Variants in CA4 observed in about 807,000 individuals in gnomAD.
The protein encoded by CA4 is CA-IV.
In CA4, 24 loss-of-function variants were observed where a neutral mutation model predicts 34.5. That is an observed-to-expected ratio of 0.70 (90% confidence interval 0.50 to 0.98). CA4 has a LOEUF of 0.98. CA4 is among the 50% of genes least tolerant of loss of function. The pLI is 0.00. For synonymous variants in CA4, 178 were observed against 170.6 expected (o/e 1.04, Z -0.34); for missense variants, 394 against 396.7 (o/e 0.99, Z 0.06).
chr17:60,158,461 G>A lies in CA4; in HGVS notation c.744+15G>A, dbSNP rs2145279310. 2 of 1,612,742 alleles carry A rather than the reference G, an allele frequency of 1.2e-6. No individual in the cohort carries two copies. Among genetic ancestry groups the A allele is most frequent in the Non-Finnish European group, 1.7e-6 (2 of 1,179,668 alleles). ...ACAGAGAACAGGTGCACAGGGCCTGGGGCAGGGCATGGGCTCCCACTGCCT... is the reference window on the plus strand; with the variant it reads ...ACAGAGAACAGGTGCACAGGGCCTGAGGCAGGGCATGGGCTCCCACTGCCT... On this transcript the variant is annotated intron_variant, in intron 7 of 7. Transcript: ENST00000300900.
chr17:60,164,554 A>AT (rs566327944), intron 5 of CA4, among the ~76,000 whole-genome samples: 3,167 of 151,748 alleles, frequency 0.021, 42 homozygotes, highest in African/African-American at 0.044. Flanking sequence ...CATGCAGCTA[A>AT]TTTTTTTCAT....
At chr17:60,151,177 T>G (rs1343415428) in intron 1 of CA4, among the ~76,000 whole-genome samples, 1 of 152,146 alleles carries the variant, frequency 6.6e-6, no homozygotes, top group Admixed American at 6.5e-5. Context: ...AGACCCCCTC[T>G]GCCAGTTCTC....
the CA4 span, among the ~76,000 whole-genome samples, chr17:60,176,981 C>A: frequency 2.6e-5 from 4 of 152,134 alleles, no homozygotes; most frequent in African/African-American, 9.7e-5. Flanking sequence ...CAAGGGGGAG[C>A]GGCTCTAAAT....
At chr17:60,155,001 A>G (rs920044148) in intron 1 of CA4, among the ~76,000 whole-genome samples, 3 of 152,162 alleles carry the variant, frequency 2.0e-5, no homozygotes, top group African/African-American at 7.2e-5. Flanking sequence ...GCTGGTGACC[A>G]AAGGATGGAG....
intron 7 of CA4, 126 bp from the exon 8 acceptor site, chr17:60,159,104 C>A: frequency 1.2e-6 from 1 of 804,630 alleles, no homozygotes; most frequent in Non-Finnish European, 2.1e-6. Flanking sequence ...CCTTGAGAGC[C>A]AGGGGTTCAG....
chr17:60,152,717 G>T (rs562049326), intron 1 of CA4, among the ~76,000 whole-genome samples: 1 of 152,312 alleles, frequency 6.6e-6, no homozygotes, highest in African/African-American at 2.4e-5. Context: ...AGACCTCTGC[G>T]GGTGGGGACA....
At chr17:60,158,163 G>C (rs768666298) in intron 6 of CA4, 36 bp downstream of exon 6, 32 of 1,611,750 alleles carry the variant, frequency 2.0e-5, no homozygotes, top group Admixed American at 6.7e-5. Context: ...TTGGGGTGAG[G>C]GGGGGGATTC....
At position 60,159,392 on chromosome 17, in the gene CA4, C is replaced by G. The variant is rs1444772041; in HGVS notation, c.907C>G (p.Leu303Val). The G allele has an allele frequency of 1.9e-6, 3 of 1,612,388 alleles. No individual in the cohort carries two copies. The highest frequency in any genetic ancestry group is 2.5e-6 in the Non-Finnish European group (3 of 1,179,692). Residue 303 changes from leucine (L) to valine (V), a missense_variant, in exon 8 of 8, where the codon CTG becomes GTG. Transcript: ENST00000300900. ...CCTGCCTGCCCTGCTGGGCCCCATG[C>G]TGGCCTGCCTGCTGGCCGGCTTCCT... Reference protein sequence around the residue: ...WALPALLGPMLACLLAGFLR With the variant: ...WALPALLGPMVACLLAGFLR
chr17:60,169,735 T>C (rs1259357548), intron 5 of CA4, among the ~76,000 whole-genome samples: 1 of 152,170 alleles, frequency 6.6e-6, no homozygotes, highest in Non-Finnish European at 1.5e-5. Context: ...GTGATCCACC[T>C]GCCTCAGCCT....
chr17:60,164,822 C>A (rs752188922), intron 5 of CA4, among the ~76,000 whole-genome samples: 1 of 151,932 alleles, frequency 6.6e-6, no homozygotes, highest in African/African-American at 2.4e-5. Context: ...CACAGGAGCA[C>A]CAGGTTTACG....
chr17:60,163,561 G>A (rs961072266), downstream of CA4, among the ~76,000 whole-genome samples: 6 of 152,158 alleles, frequency 3.9e-5, no homozygotes, highest in South Asian at 2.1e-4. Context: ...TGTCCTAGCC[G>A]CTCTGTTTGT....
intron 2 of CA4, 62 bp from the exon 3 acceptor site, chr17:60,156,498 G>A: frequency 6.5e-7 from 1 of 1,547,832 alleles, no homozygotes; most frequent in Non-Finnish European, 8.9e-7. Flanking sequence ...TCAGTGGGGT[G>A]GTGGGGGCTA....
At chr17:60,158,253 C>T in intron 6 of CA4, 30 bp from the exon 7 acceptor site, 1 of 1,613,420 alleles carries the variant, frequency 6.2e-7, no homozygotes, top group Non-Finnish European at 8.5e-7. Context: ...CTCCCACCCT[C>T]ACTGACAGTG....
At chr17:60,175,364 T>C (rs980428661), downstream of CA4, among the ~76,000 whole-genome samples, 1 of 150,834 alleles carries the variant, frequency 6.6e-6, no homozygotes, top group African/African-American at 2.4e-5. Context: ...AGCCGAGGAG[T>C]TCGAGACCAG....
At position 60,157,710 on chromosome 17, in the gene CA4, A is replaced by G. The variant is rs201241903; in HGVS notation, c.435A>G (p.Lys145=). The change falls in exon 5 of 8, where the codon AAA becomes AAG. Residue 145 remains lysine, a synonymous_variant. Transcript: ENST00000300900. ...ACCAGATGCACATAGTACATGAGAA[A>G]GAGAAGGGGACATCGAGGAATGTGA... The part of the protein sequence containing the change: ...FAMEMHIVHE[K]EKGTSRNVKE... 86 of 1,614,080 alleles carry G rather than the reference A, an allele frequency of 5.3e-5. No homozygotes were observed. In the East Asian group the frequency reaches 1.9e-3, roughly 36 times the overall value.
At chr17:60,162,240 G>A (rs1204617208), downstream of CA4, among the ~76,000 whole-genome samples, 6 of 152,114 alleles carry the variant, frequency 3.9e-5, no homozygotes, top group East Asian at 1.9e-4. Flanking sequence ...AGCTCACCCC[G>A]GGCACTGGCC....
At chr17:60,171,109 G>A (rs1394308591), downstream of CA4, among the ~76,000 whole-genome samples, 2 of 152,226 alleles carry the variant, frequency 1.3e-5, no homozygotes, top group African/African-American at 4.8e-5. Flanking sequence ...CATGGGGTTT[G>A]GCAGATAGAA....
rs533524924 is a variant in CA4, at chr17:60,156,453, G to A, written c.113-107G>A. ...CACAGCCTTCAGGCCACCCCAAAGC[G>A]TTTCTGTGTGGGAACTGAGTGGGTG... On this transcript the variant is annotated intron_variant, in intron 2 of 7. Transcript: ENST00000300900. 1.3e-4 allele frequency: 148 copies of A among 1,133,600 alleles called. 1 individual carries two copies. The highest frequency in any genetic ancestry group is 2.2e-4 in the Middle Eastern group (1 of 4,554). The allele number at this position is 1,133,600 out of a possible 1,614,324, so 70.2% of individuals were successfully genotyped here.
At position 60,155,358 on chromosome 17, in the gene CA4, C is replaced by G. The variant is rs144799719; in HGVS notation, c.103C>G (p.Pro35Ala). 5.0e-6 allele frequency: 8 copies of G among 1,609,842 alleles called. No individual in the cohort carries two copies. Among genetic ancestry groups the G allele is most frequent in the Non-Finnish European group, 6.8e-6 (8 of 1,178,124 alleles). Reference protein sequence around the residue: ...YEVQAESSNYPCLVPVKWGGN... With the variant: ...YEVQAESSNYACLVPVKWGGN... ...GGTTCAAGCCGAGTCCTCCAACTACCCCTGCTTGGGTGAGTACAGCCAGTC... is the reference window on the plus strand; with the variant it reads ...GGTTCAAGCCGAGTCCTCCAACTACGCCTGCTTGGGTGAGTACAGCCAGTC... The change falls in exon 2 of 8, where the codon CCC becomes GCC. Residue 35 changes from proline to alanine, a missense_variant. Coordinates refer to ENST00000300900, the MANE Select transcript of CA4 (RefSeq NM_000717.5).
Sources: gnomAD v4.1 joint callset for allele counts (sites outside exome capture counted in the v4.1 genomes callset) on GRCh38, gnomAD v4.1.1 for gene constraint, MANE v1.5 for transcripts, NCBI Gene and HGNC (gene_info 2026-07-23, HGNC 2026-07-21) for gene names.